The following DPY19L2 variants were observed in gnomAD, a reference collection of about 807,000 sequenced individuals.
DPY19L2 encodes probable C-mannosyltransferase DPY19L2.
A neutral mutation model predicts 97.9 loss-of-function variants in DPY19L2; 34 were observed. The ratio of observed to expected loss-of-function variants is 0.35; its 90% confidence interval spans 0.26 to 0.46. The LOEUF (loss-of-function observed/expected upper bound fraction) is 0.46, where lower values mean the gene tolerates loss of function less well. Ranked by LOEUF, DPY19L2 falls within the 20% of genes least tolerant of loss-of-function variation. The pLI, the probability that DPY19L2 is intolerant of heterozygous loss-of-function variation, is 1.00. For synonymous variants in DPY19L2, 230 were observed against 307.9 expected (o/e 0.75, Z 2.65); for missense variants, 623 against 911.4 (o/e 0.68, Z 4.07).
upstream of DPY19L2, chr12:63,668,773 A>C (rs370741468): frequency 4.3e-5 from 10 of 230,812 alleles, no homozygotes; most frequent in South Asian, 1.4e-4. Flanking sequence ...GCGCAGCCCC[A>C]TGTACAGCCC....
intron 6 of DPY19L2, among the ~76,000 whole-genome samples, chr12:63,639,636 C>G (rs908333607): frequency 5.9e-5 from 9 of 152,264 alleles, no homozygotes; most frequent in African/African-American, 2.2e-4. Flanking sequence ...AACTGCAAAT[C>G]AAAACCACAA....
chr12:63,621,835 T>C (rs1888743482), intron 8 of DPY19L2, among the ~76,000 whole-genome samples: 1 of 152,148 alleles, frequency 6.6e-6, no homozygotes, highest in African/African-American at 2.4e-5. Context: ...TAAAAAATCA[T>C]TCTAGAATTC....
chr12:63,585,438 G>GT (rs879262655), intron 16 of DPY19L2, among the ~76,000 whole-genome samples: 12 of 151,544 alleles, frequency 7.9e-5, no homozygotes, highest in East Asian at 7.7e-4. Context: ...GTATGCAGTA[G>GT]TTTTTTTTTA....
intron 16 of DPY19L2, among the ~76,000 whole-genome samples, chr12:63,586,245 T>A (rs1315010979): frequency 6.6e-6 from 1 of 152,036 alleles, no homozygotes; most frequent in East Asian, 1.9e-4. Context: ...TATTAACCAA[T>A]CTATCAATCA....
At chr12:63,611,311 A>G (rs1431584264) in intron 11 of DPY19L2, among the ~76,000 whole-genome samples, 1 of 151,946 alleles carries the variant, frequency 6.6e-6, no homozygotes, top group Non-Finnish European at 1.5e-5. Flanking sequence ...GCTTAACTGC[A>G]TCACAGAAAA....
intron 6 of DPY19L2, among the ~76,000 whole-genome samples, chr12:63,638,828 T>C (rs1385133679): frequency 2.6e-5 from 4 of 152,142 alleles, no homozygotes; most frequent in African/African-American, 9.7e-5. Context: ...ACCAATGACT[T>C]TCTTCACAGA....
intron 3 of DPY19L2, among the ~76,000 whole-genome samples, chr12:63,662,899 G>C (rs1353818229): frequency 6.6e-6 from 1 of 152,172 alleles, no homozygotes; most frequent in African/African-American, 2.4e-5. Flanking sequence ...CAAAATCACA[G>C]AGACAGAAAA....
intron 18 of DPY19L2, among the ~76,000 whole-genome samples, chr12:63,581,258 A>G (rs1880838124): frequency 6.6e-6 from 1 of 152,148 alleles, no homozygotes; most frequent in Non-Finnish European, 1.5e-5. Context: ...TTTTAAGGCT[A>G]TACACTCATA....
At chr12:63,636,861 C>T (rs1592680850) in intron 6 of DPY19L2, among the ~76,000 whole-genome samples, 1 of 152,056 alleles carries the variant, frequency 6.6e-6, no homozygotes, top group African/African-American at 2.4e-5. Flanking sequence ...ACGCTGTCAA[C>T]ATTGGACAGA....
intron 21 of DPY19L2, among the ~76,000 whole-genome samples, chr12:63,567,338 C>G (rs1013269452): frequency 4.6e-5 from 7 of 151,884 alleles, no homozygotes; most frequent in Admixed American, 4.6e-4. Flanking sequence ...CTTTTTTTCC[C>G]CACTGTTTTA....
chr12:63,622,105 T>C (rs1436020700), intron 8 of DPY19L2, among the ~76,000 whole-genome samples: 1 of 152,198 alleles, frequency 6.6e-6, no homozygotes, highest in Non-Finnish European at 1.5e-5. Flanking sequence ...TATCATAAAA[T>C]ACTCATTATG....
chr12:63,592,592 A>G (rs1294357263), intron 16 of DPY19L2, among the ~76,000 whole-genome samples: 7 of 149,466 alleles, frequency 4.7e-5, no homozygotes, highest in Non-Finnish European at 1.0e-4. Context: ...CCATATGTAG[A>G]AAGCTGAAAC....
intron 13 of DPY19L2, 71 bp from the exon 14 acceptor site, chr12:63,597,981 T>G: frequency 1.7e-6 from 2 of 1,206,646 alleles, no homozygotes; most frequent in Non-Finnish European, 2.3e-6. Flanking sequence ...TAATACTTTA[T>G]TGATGTAAGA....
Position 63,580,666 on chromosome 12 carries a change from T to C in DPY19L2, c.1896A>G (p.Thr632=). The change falls in exon 19 of 22, where the codon ACA becomes ACG. Residue 632 remains threonine (T), a synonymous_variant. Coordinates refer to ENST00000324472, the MANE Select transcript of DPY19L2 (RefSeq NM_173812.5). ...TATAACCAAATACCTACACACCTGATGTGGTACTGTATTTGATCCACTGTA... is the reference window on the plus strand; with the variant it reads ...TATAACCAAATACCTACACACCTGACGTGGTACTGTATTTGATCCACTGTA... ...ELLQWIKYST[T]SDAVFAGAMP... 6.2e-7 allele frequency: 1 copy of C among 1,610,698 alleles called. No individual in the cohort carries two copies. The highest frequency in any genetic ancestry group is 8.5e-7 in the Non-Finnish European group (1 of 1,178,684).
chr12:63,642,784 T>C (rs1846374), intron 6 of DPY19L2, among the ~76,000 whole-genome samples: 104,815 of 151,210 alleles, frequency 0.69, 36,913 homozygotes, highest in African/African-American at 0.8. Flanking sequence ...CTTTGCATTT[T>C]TGAATAACTT....
chr12:63,594,023 T>A (rs1276398161), intron 16 of DPY19L2, 64 bp downstream of exon 16: 33 of 1,167,958 alleles, frequency 2.8e-5, no homozygotes, highest in Non-Finnish European at 3.9e-5. Flanking sequence ...GAAAAATTAA[T>A]GTTACAGTAA....
At chr12:63,585,730 C>A (rs1173942327) in intron 16 of DPY19L2, among the ~76,000 whole-genome samples, 1 of 152,020 alleles carries the variant, frequency 6.6e-6, no homozygotes, top group Admixed American at 6.6e-5. Context: ...AATCCCAAGA[C>A]ACAGATATCA....
chr12:63,571,459 A>G (rs749290869), intron 19 of DPY19L2, among the ~76,000 whole-genome samples: 6 of 152,200 alleles, frequency 3.9e-5, no homozygotes, highest in Admixed American at 6.5e-5. Context: ...ACAGACACAC[A>G]TGAAACAAAA....
At chr12:63,664,121 G>C (rs1194322250) in intron 2 of DPY19L2, among the ~76,000 whole-genome samples, 1 of 152,004 alleles carries the variant, frequency 6.6e-6, no homozygotes, top group African/African-American at 2.4e-5. Context: ...CAGATCACTT[G>C]AGGTGAGGAG....
Sources: gnomAD v4.1 joint callset for allele counts (sites outside exome capture counted in the v4.1 genomes callset) on GRCh38, gnomAD v4.1.1 for gene constraint, MANE v1.5 for transcripts, NCBI Gene and HGNC (gene_info 2026-07-23, HGNC 2026-07-21) for gene names.